The following CS variants were observed in gnomAD, a reference collection of about 807,000 sequenced individuals.
CS encodes the protein citrate synthase, also known as citrate synthase, mitochondrial.
In CS, 13 loss-of-function variants were observed where a neutral mutation model predicts 61.4. The ratio of observed to expected loss-of-function variants is 0.21; its 90% CI spans 0.14 to 0.34. The LOEUF is 0.34. Ranked by LOEUF, CS falls within the 10% of genes least tolerant of loss-of-function variation. The pLI is 1.00. For missense variants in CS, 278 were observed against 573.4 expected (o/e 0.48, Z 5.26); for synonymous variants, 159 against 215.2 (o/e 0.74, Z 2.29).
chr12:56,286,284 C>G (rs1872936931), intron 2 of CS: 1 of 548,122 alleles, frequency 1.8e-6, no homozygotes, highest in South Asian at 2.4e-5. Flanking sequence ...GTAAACATAT[C>G]TACTGCCACT....
intron 6 of CS, among the ~76,000 whole-genome samples, chr12:56,279,229 A>AGC (rs1872705099): frequency 1.3e-5 from 2 of 152,216 alleles, no homozygotes; most frequent in Non-Finnish European, 2.9e-5. Context: ...AGCTAGTTAA[A>AGC]CTCTTTCAAC....
intron 10 of CS, 68 bp from the exon 11 acceptor site, chr12:56,273,322 T>C: frequency 1.3e-6 from 2 of 1,488,562 alleles, no homozygotes; most frequent in East Asian, 2.3e-5. Context: ...TCCTAGGTGA[T>C]AGAAACCTTA....
In CS at chr12:56,283,112, T is replaced by C. The variant is rs575923805; in HGVS notation, c.268-121A>G. 11 of 1,131,722 alleles carry C rather than the reference T, an allele frequency of 9.7e-6. No individual in the cohort carries two copies. The East Asian group carries it at 2.7e-4, about 28-fold the overall frequency. 70.1% of individuals were successfully genotyped at this position (1,131,722 alleles called of 1,614,324 possible). ...AACTTTTTATGTTAATTATTATTTC[T>C]GTAGAGGTGGGGTCTTGCTATGTTG... On this transcript the variant is annotated intron_variant, in intron 4 of 10. Transcript: ENST00000351328.
Position 56,300,298 on chromosome 12 carries a change from G to C in CS, c.-97C>G. The C allele has an allele frequency of 7.6e-7, 1 of 1,310,920 alleles. No individual in the cohort carries two copies. The highest frequency in any genetic ancestry group is 1.3e-5 in the South Asian group (1 of 77,456). The allele number at this position is 1,310,920 out of a possible 1,614,324, so 81.2% of individuals were successfully genotyped here. On this transcript the variant is annotated 5_prime_UTR_variant, in exon 1 of 11. Transcript: ENST00000351328. ...CCGCTGCACCAGAGGCCGCGCCGAC[G>C]GGTTGACAAGGTTGAAAGGAGGCGG...
At chr12:56,297,017 A>G (rs1300019942) in intron 1 of CS, among the ~76,000 whole-genome samples, 6 of 152,232 alleles carry the variant, frequency 3.9e-5, no homozygotes, top group Admixed American at 1.3e-4. Context: ...GTACAGTGGT[A>G]TAAGTCCAAT....
chr12:56,279,634 C>T (rs1236637009), intron 6 of CS, among the ~76,000 whole-genome samples: 1 of 151,960 alleles, frequency 6.6e-6, no homozygotes, highest in Non-Finnish European at 1.5e-5. Flanking sequence ...GGCATGGTGG[C>T]GGGTGCCTGT....
chr12:56,298,685 T>A (rs1219144187), intron 1 of CS: 11 of 985,252 alleles, frequency 1.1e-5, no homozygotes, highest in Middle Eastern at 5.2e-4. Flanking sequence ...TACTTGCCAC[T>A]GGGTGCCTGG....
Position 56,282,573 on chromosome 12 carries a change from T to C in CS, c.435A>G (p.Ala145=), listed in dbSNP as rs1205398502. The C allele has an allele frequency of 6.2e-7, 1 of 1,608,718 alleles. No individual in the cohort carries two copies. Among genetic ancestry groups the C allele is most frequent in the African/African-American group, 1.3e-5 (1 of 74,774 alleles). The change falls in exon 6 of 11, where the codon GCA becomes GCG. Residue 145 remains alanine, a synonymous_variant. Coordinates refer to ENST00000351328, the MANE Select transcript of CS (RefSeq NM_004077.3). ...TGGTGACCACATGGGAAGGCAGAGCTGCCCTCTTTGCCCACTCTTTTGAGA... is the reference window on the plus strand; with the variant it reads ...TGGTGACCACATGGGAAGGCAGAGCCGCCCTCTTTGCCCACTCTTTTGAGA... ...SWLSKEWAKR[A]ALPSHVVTML...
chr12:56,276,319 GT>G (rs1872623046), intron 6 of CS, 124 bp from the exon 7 acceptor site: 1 of 767,350 alleles, frequency 1.3e-6, no homozygotes, highest in South Asian at 1.6e-5. Flanking sequence ...TATATGATGG[GT>G]TGTTATATAT....
chr12:56,275,852 T>G, intron 7 of CS, 144 bp downstream of exon 7: 1 of 705,876 alleles, frequency 1.4e-6, no homozygotes, highest in Non-Finnish European at 2.4e-6. Context: ...ACCCCTTTCT[T>G]GCCTTGGATC....
intron 1 of CS, among the ~76,000 whole-genome samples, chr12:56,292,891 G>A (rs1486453814): frequency 1.3e-5 from 2 of 150,130 alleles, no homozygotes; most frequent in African/African-American, 4.9e-5. Flanking sequence ...GCGACAGAGT[G>A]AGACTCTGTC....
intron 6 of CS, among the ~76,000 whole-genome samples, chr12:56,281,314 C>T (rs1447447142): frequency 6.6e-6 from 1 of 152,196 alleles, no homozygotes; most frequent in East Asian, 1.9e-4. Flanking sequence ...ATGTACTATG[C>T]ATTGGGATAA....
chr12:56,286,015 T>C lies in CS; in HGVS notation c.102A>G (p.Lys34=), dbSNP rs144907345. ...TAGGTATCAGGTCAGCCAATATGTCTTTCAAATTCTAAAAAGAAAAGTAGA... is the reference window on the plus strand; with the variant it reads ...TAGGTATCAGGTCAGCCAATATGTCCTTCAAATTCTAAAAAGAAAAGTAGA... The part of the protein sequence containing the change: ...RHASASSTNL[K]DILADLIPKE... The change falls in exon 3 of 11, where the codon AAA becomes AAG. Residue 34 remains lysine (K), a synonymous_variant. Coordinates refer to ENST00000351328, the MANE Select transcript of CS (RefSeq NM_004077.3). 3.7e-6 allele frequency: 6 copies of C among 1,613,218 alleles called. No individual in the cohort carries two copies. In the African/African-American group the frequency reaches 6.7e-5, roughly 18 times the overall value.
chr12:56,280,802 C>T (rs1169390694), intron 6 of CS, among the ~76,000 whole-genome samples: 8 of 152,000 alleles, frequency 5.3e-5, no homozygotes, highest in Non-Finnish European at 8.8e-5. Flanking sequence ...TACAAATATA[C>T]ACATTCATAC....
At chr12:56,283,390 C>T (rs765766416) in intron 4 of CS, among the ~76,000 whole-genome samples, 7 of 152,006 alleles carry the variant, frequency 4.6e-5, no homozygotes, top group Non-Finnish European at 8.8e-5. Context: ...ACTACAGGTG[C>T]CTGCCACCAT....
At chr12:56,286,471 T>C (rs2135919312) in intron 2 of CS, 124 bp downstream of exon 2, 1 of 713,588 alleles carries the variant, frequency 1.4e-6, no homozygotes, top group East Asian at 2.7e-5. Context: ...ACAATAACAA[T>C]AGTAACAAAC....
intron 1 of CS, chr12:56,291,226 G>C (rs925751894): frequency 5.1e-6 from 6 of 1,165,584 alleles, no homozygotes; most frequent in Middle Eastern, 2.4e-4. Flanking sequence ...CTACCATCAA[G>C]TGTCAGAACT....
Position 56,276,628 on chromosome 12 carries a change from G to A in CS, c.589-433C>T, listed in dbSNP as rs940993235. On this transcript the variant is annotated intron_variant, in intron 6 of 10. Transcript: ENST00000351328. ...GCAATCTTAGCTCACTGCAACCTCCGCCTCCCAAGTTCAAGTGATTCTCCT... is the reference window on the plus strand; with the variant it reads ...GCAATCTTAGCTCACTGCAACCTCCACCTCCCAAGTTCAAGTGATTCTCCT... Among the ~76,000 whole-genome samples the A allele has an allele frequency of 2.0e-5, 3 of 152,084 alleles. 1 individual carries two copies. The South Asian group carries it at 6.2e-4, about 32-fold the overall frequency.
rs1454016485 is a variant in CS at position 56,273,608 on chromosome 12, A to C, written c.1209T>G (p.Ala403=). Residue 403 remains alanine, a synonymous_variant, in exon 10 of 11, where the codon GCT becomes GCG. Coordinates refer to ENST00000351328, the MANE Select transcript of CS (RefSeq NM_004077.3). ...KAKNPWPNVD[A]HSGVLLQYYG... ...TTACCTGGAGCAGCACCCCACTGTGAGCATCTACATTGGGCCAAGGATTCT... is the reference window on the plus strand; with the variant it reads ...TTACCTGGAGCAGCACCCCACTGTGCGCATCTACATTGGGCCAAGGATTCT... 6.2e-7 allele frequency: 1 copy of C among 1,613,888 alleles called. No individual in the cohort carries two copies. The highest frequency in any genetic ancestry group is 1.3e-5 in the African/African-American group (1 of 74,904).
Sources: gnomAD v4.1 joint callset for allele counts (sites outside exome capture counted in the v4.1 genomes callset) on GRCh38, gnomAD v4.1.1 for gene constraint, MANE v1.5 for transcripts, NCBI Gene and HGNC (gene_info 2026-07-23, HGNC 2026-07-21) for gene names.